The following ZNF561 variants were observed in gnomAD, a reference collection of about 807,000 sequenced individuals.
The protein encoded by ZNF561 is zinc finger protein 561.
In ZNF561, 16 loss-of-function variants were observed where a neutral mutation model predicts 16.7. The ratio of observed to expected loss-of-function variants is 0.96; its 90% CI spans 0.65 to 1.45. The LOEUF is 1.45. ZNF561 is among the 40% of genes most tolerant of loss of function. The pLI, the probability that ZNF561 is intolerant of heterozygous loss-of-function variation, is 0.00. For synonymous variants in ZNF561, 190 were observed against 192.1 expected (o/e 0.99, Z 0.09); for missense variants, 580 against 578.0 (o/e 1.00, Z -0.04).
At chr19:9,612,006 C>T (rs953315271) in intron 5 of ZNF561, among the ~76,000 whole-genome samples, 2 of 152,080 alleles carry the variant, frequency 1.3e-5, no homozygotes, top group African/African-American at 4.8e-5. Context: ...CGGCTCGTTG[C>T]AAACTCTGCC....
intron 1 of ZNF561, among the ~76,000 whole-genome samples, 192 bp from the exon 2 acceptor site, chr19:9,619,774 G>C (rs751390504): frequency 4.6e-5 from 7 of 152,132 alleles, no homozygotes; most frequent in African/African-American, 7.2e-5. Context: ...AGTAGCTCTA[G>C]TAGCTTTATA....
At chr19:9,615,751 C>CAAAAAAAAAA (rs1192652868) in intron 4 of ZNF561, among the ~76,000 whole-genome samples, 1 of 85,368 alleles carries the variant, frequency 1.2e-5, no homozygotes, top group Non-Finnish European at 2.5e-5. Context: ...ACTAAAAATA[C>CAAAAAAAAAA]AAAAAAAAAA....
At chr19:9,612,661 T>G (rs928589344) in intron 5 of ZNF561, among the ~76,000 whole-genome samples, 3 of 152,080 alleles carry the variant, frequency 2.0e-5, no homozygotes, top group African/African-American at 7.2e-5. Flanking sequence ...ATAATTATAA[T>G]TTTTACAATT....
At chr19:9,618,616 C>T (rs1366896587) in intron 2 of ZNF561, among the ~76,000 whole-genome samples, 1 of 152,004 alleles carries the variant, frequency 6.6e-6, no homozygotes, top group Non-Finnish European at 1.5e-5. Flanking sequence ...GTCCCAGCTA[C>T]TCAGGAGGCT....
rs1218982530 is a variant in ZNF561, at chr19:9,610,356, G to A, written c.1305C>T (p.Arg435=). ...ICGKAFLYSS[R]LNVHLRTHTG... Reference sequence around the variant, plus strand: ...TATGAGTTCGCAGGTGAACATTAAGGCGTGAGGAATATAGAAATGCTTTCC... The same window carrying A: ...TATGAGTTCGCAGGTGAACATTAAGACGTGAGGAATATAGAAATGCTTTCC... Residue 435 remains arginine, a synonymous_variant, in exon 6 of 6, where the codon CGC becomes CGT. Coordinates refer to ENST00000302851, the MANE Select transcript of ZNF561 (RefSeq NM_152289.3). The A allele has an allele frequency of 1.2e-6, 2 of 1,614,196 alleles. No homozygotes were observed. The highest frequency in any genetic ancestry group is 2.2e-5 in the South Asian group (2 of 91,080).
chr19:9,621,135 C>T lies in ZNF561; in HGVS notation c.-127+27G>A, dbSNP rs556565628. 1.4e-4 allele frequency: 21 copies of T among 152,988 alleles called. No individual in the cohort carries two copies. The South Asian group carries it at 4.0e-3, about 29-fold the overall frequency. 9.5% of individuals were successfully genotyped at this position (152,988 alleles called of 1,614,324 possible). A position where few individuals can be genotyped will look rare whatever the true frequency, so the allele number is the denominator to read the frequency against. On this transcript the variant is annotated intron_variant, in intron 1 of 5. Transcript: ENST00000302851. ...TTCCTTTGCCGCCCCCTGCTATCCC[C>T]GGGACCGCCAAGGAGGTGGAACTCA...
At chr19:9,614,255 T>G (rs1315456001) in intron 4 of ZNF561, 152 bp from the exon 5 acceptor site, 2 of 801,700 alleles carry the variant, frequency 2.5e-6, no homozygotes, top group Admixed American at 2.7e-5. Flanking sequence ...TTGGCTATAA[T>G]GATGTGGGGT....
At chr19:9,619,286 A>AATT in intron 2 of ZNF561, 146 bp downstream of exon 2, 1 of 525,584 alleles carries the variant, frequency 1.9e-6, no homozygotes, top group Non-Finnish European at 3.2e-6. Context: ...AATAAATAAT[A>AATT]AAACAGCATT....
In ZNF561 at chr19:9,619,445, A is replaced by C. The variant is rs774292846; in HGVS notation, c.12T>G (p.Ile4Met). 1.9e-6 allele frequency: 3 copies of C among 1,613,314 alleles called. No individual in the cohort carries two copies. Among genetic ancestry groups the C allele is most frequent in the Non-Finnish European group, 1.7e-6 (2 of 1,179,500 alleles). ...ACAAAGACTTACCACGGGACAAATA[A>C]ATGGCTGCCATTCTCTGAAGCTGAT... MAAIYLSRGFFSRE... is the reference protein window; with the variant it reads MAAMYLSRGFFSRE... The change falls in exon 2 of 6, where the codon ATT (isoleucine) becomes ATG (methionine). Residue 4 changes from isoleucine (I) to methionine (M), a missense_variant. Coordinates refer to ENST00000302851, the MANE Select transcript of ZNF561 (RefSeq NM_152289.3).
chr19:9,616,291 A>AT (rs558273675), intron 4 of ZNF561, among the ~76,000 whole-genome samples: 5 of 151,070 alleles, frequency 3.3e-5, no homozygotes, highest in South Asian at 4.2e-4. Context: ...TTTTTAATGT[A>AT]TTTTTTTTTA....
At chr19:9,617,752 C>A (rs1444659979) in intron 3 of ZNF561, 2 of 460,124 alleles carry the variant, frequency 4.3e-6, no homozygotes, top group Non-Finnish European at 8.7e-6. Context: ...CAGCACACTG[C>A]AGATACCTGA....
intron 5 of ZNF561, among the ~76,000 whole-genome samples, 183 bp from the exon 6 acceptor site, chr19:9,611,519 T>TAACGGCAACCTCCACCTCCCAGGC (rs1216359891): frequency 8.5e-5 from 13 of 152,282 alleles, no homozygotes; most frequent in African/African-American, 3.1e-4. Context: ...CACTCTCAGC[T>TAACGGCAACCTCCACCTCCCAGGC]AACGGCAACC....
chr19:9,607,644 T>C lies in ZNF561; in HGVS notation c.*2556A>G, dbSNP rs1484789013. ...ATTATGCTGGTATTACTGCTATTCA[T>C]TGGTGGTGTGCTGGAGGTTGAAATT... is the stretch of plus-strand genomic sequence containing the variant. On this transcript the variant is annotated 3_prime_UTR_variant, in exon 6 of 6. Transcript: ENST00000302851. 1 of 152,204 alleles carries C rather than the reference T, an allele frequency of 6.6e-6. No individual in the cohort carries two copies. Among genetic ancestry groups the C allele is most frequent in the Non-Finnish European group, 1.5e-5 (1 of 68,042 alleles). 9.4% of individuals were successfully genotyped at this position (152,204 alleles called of 1,614,324 possible).
chr19:9,619,304 G>T, intron 2 of ZNF561, 128 bp downstream of exon 2: 1 of 665,490 alleles, frequency 1.5e-6, no homozygotes, highest in Non-Finnish European at 2.5e-6. Flanking sequence ...ATTCTGTTCT[G>T]TGGTTCACTT....
chr19:9,614,588 G>A (rs998088259), intron 4 of ZNF561, among the ~76,000 whole-genome samples: 1 of 152,128 alleles, frequency 6.6e-6, no homozygotes, highest in Non-Finnish European at 1.5e-5. Flanking sequence ...CTGGGTGACA[G>A]AGCAAGACTT....
At chr19:9,614,829 T>C (rs1049338464) in intron 4 of ZNF561, among the ~76,000 whole-genome samples, 2 of 151,512 alleles carry the variant, frequency 1.3e-5, no homozygotes, top group Admixed American at 6.6e-5. Context: ...GCAAAGTGCA[T>C]CTTTAAAAAT....
Position 9,610,813 on chromosome 19 carries a change from C to T in ZNF561, c.848G>A (p.Cys283Tyr), listed in dbSNP as rs757518338. The T allele has an allele frequency of 3.1e-6, 5 of 1,614,056 alleles. No homozygotes were observed. Among genetic ancestry groups the T allele is most frequent in the Non-Finnish European group, 2.5e-6 (3 of 1,179,988 alleles). Residue 283 changes from cysteine to tyrosine, a missense_variant, in exon 6 of 6, where the codon TGT becomes TAT. By Grantham distance (194) the Cys-to-Tyr change is radical. Coordinates refer to ENST00000302851, the MANE Select transcript of ZNF561 (RefSeq NM_152289.3). ...TCTAAAGGATCTTCCACATTCTTTA[C>T]ATTCAAAGGACTTCTCTCCTTTATG... ...KTHKGEKSFE[C>Y]KECGRSFRNS...
chr19:9,610,273 C>T lies in ZNF561; in HGVS notation c.1388G>A (p.Arg463His), dbSNP rs754290323. The change falls in exon 6 of 6, where the codon CGC becomes CAC. Residue 463 changes from arginine to histidine, a missense_variant. By Grantham distance (29) the Arg-to-His change is conservative. Coordinates refer to ENST00000302851, the MANE Select transcript of ZNF561 (RefSeq NM_152289.3). ...ECGKAFAVSS[R>H]LSRHERIHTG... ...GTGAATTCTTTCATGTCTACTTAGG[C>T]GTGAGGAAACAGCAAATGCTTTCCC... 3.3e-5 allele frequency: 53 copies of T among 1,613,786 alleles called. 1 individual carries two copies. The highest frequency in any genetic ancestry group is 1.6e-4 in the Middle Eastern group (1 of 6,082).
chr19:9,611,817 T>G (rs889750540), intron 5 of ZNF561, among the ~76,000 whole-genome samples: 3 of 152,188 alleles, frequency 2.0e-5, no homozygotes, highest in African/African-American at 7.2e-5. Flanking sequence ...ATCATGGCTC[T>G]CTGTAACCTC....
Sources: allele counts gnomAD v4.1 joint callset (sites outside exome capture counted in the v4.1 genomes callset), GRCh38; gene constraint gnomAD v4.1.1; transcripts MANE v1.5; gene names NCBI Gene and HGNC (gene_info 2026-07-23, HGNC 2026-07-21).